Variants in SNX3 observed in about 807,000 individuals in gnomAD.
The protein encoded by SNX3 is sorting nexin 3.
SNX3 carries 5 observed loss-of-function variants against 17.7 expected under a neutral mutation model. The observed-to-expected ratio is 0.28, with a 90% CI of 0.15 to 0.59. SNX3 has a LOEUF of 0.59. Ranked by LOEUF, SNX3 falls within the 20% of genes least tolerant of loss-of-function variation. The pLI, the probability that SNX3 is intolerant of heterozygous loss-of-function variation, is 0.88. For synonymous variants in SNX3, 91 were observed against 76.5 expected (o/e 1.19, Z -0.99); for missense variants, 132 against 206.8 (o/e 0.64, Z 2.22).
At chr6:108,245,656 C>A (rs1329362976) in intron 1 of SNX3, among the ~76,000 whole-genome samples, 4 of 152,152 alleles carry the variant, frequency 2.6e-5, no homozygotes, top group African/African-American at 7.2e-5. Context: ...TTCTAACTGG[C>A]GTGAGATGGT....
intron 1 of SNX3, among the ~76,000 whole-genome samples, chr6:108,227,315 C>T (rs1775004205): frequency 2.0e-5 from 3 of 152,138 alleles, no homozygotes; most frequent in Admixed American, 2.0e-4. Flanking sequence ...ACGTTAAGAT[C>T]AAGCTTGCGA....
At chr6:108,242,641 C>G (rs149888849) in intron 1 of SNX3, among the ~76,000 whole-genome samples, 161 of 152,282 alleles carry the variant, frequency 1.1e-3, no homozygotes, top group Admixed American at 3.5e-3. Context: ...GTGAGTGAGG[C>G]CTATGAATGC....
chr6:108,254,119 T>C (rs547597779), intron 1 of SNX3, among the ~76,000 whole-genome samples: 193 of 124,100 alleles, frequency 1.6e-3, no homozygotes, highest in African/African-American at 6.0e-3. Context: ...AGAGTGAGAT[T>C]CCGTCTCAAA....
At position 108,247,564 on chromosome 6, in the gene SNX3, C is replaced by A. The variant is rs79009519; in HGVS notation, c.162+13196G>T. On this transcript the variant is annotated intron_variant, in intron 1 of 3. Transcript: ENST00000230085. ...AAAACAAAAAACAAACAAAAAAAAA[C>A]AACGTTTAAGTCTCCCTATGTTTCC... Among the ~76,000 whole-genome samples, 1,230 of 151,578 alleles carry A rather than the reference C, an allele frequency of 8.1e-3. 7 individuals are homozygous for A. The highest frequency in any genetic ancestry group is 0.013 in the Non-Finnish European group (915 of 67,834).
chr6:108,229,562 T>C (rs954321226), intron 1 of SNX3, among the ~76,000 whole-genome samples: 3 of 151,992 alleles, frequency 2.0e-5, no homozygotes, highest in Non-Finnish European at 4.4e-5. Flanking sequence ...TGTGAGCCAC[T>C]GCGTACGGCC....
intron 1 of SNX3, among the ~76,000 whole-genome samples, chr6:108,234,077 A>C (rs1225408628): frequency 6.6e-6 from 1 of 152,054 alleles, no homozygotes; most frequent in East Asian, 1.9e-4. Flanking sequence ...TTATATTTAC[A>C]GTGTAAAGAG....
intron 1 of SNX3, among the ~76,000 whole-genome samples, chr6:108,253,079 T>C (rs1024388305): frequency 1.3e-5 from 2 of 152,212 alleles, no homozygotes; most frequent in Non-Finnish European, 2.9e-5. Flanking sequence ...AAGTATCTAA[T>C]AATAACAGTC....
intron 2 of SNX3, among the ~76,000 whole-genome samples, chr6:108,220,775 C>T (rs375954772): frequency 1.3e-5 from 2 of 152,070 alleles, no homozygotes; most frequent in East Asian, 1.9e-4. Flanking sequence ...GTCAGGAGTT[C>T]GAGACCAGCC....
chr6:108,238,118 A>AC (rs1562431992), intron 1 of SNX3, among the ~76,000 whole-genome samples: 1 of 151,014 alleles, frequency 6.6e-6, no homozygotes, highest in African/African-American at 2.4e-5. Flanking sequence ...AAAAAAAAAA[A>AC]AACAAACAAA....
At chr6:108,213,192 G>A (rs879820152) in intron 3 of SNX3, among the ~76,000 whole-genome samples, 5 of 151,916 alleles carry the variant, frequency 3.3e-5, no homozygotes, top group Admixed American at 3.3e-4. Context: ...CCAGGCCAGA[G>A]TCTATTTTAA....
At chr6:108,230,470 C>T (rs1775110655) in intron 1 of SNX3, among the ~76,000 whole-genome samples, 1 of 152,082 alleles carries the variant, frequency 6.6e-6, no homozygotes, top group Admixed American at 6.6e-5. Context: ...CCGATGTGGG[C>T]ACAGTGATCA....
chr6:108,234,413 G>A (rs771852334), intron 1 of SNX3, among the ~76,000 whole-genome samples: 8 of 151,988 alleles, frequency 5.3e-5, no homozygotes, highest in South Asian at 2.1e-4. Flanking sequence ...TTAGCCAGGC[G>A]TGGAGGCATG....
intron 1 of SNX3, among the ~76,000 whole-genome samples, chr6:108,254,130 GA>G (rs36069364): frequency 0.58 from 79,697 of 137,272 alleles, 22,647 homozygotes; most frequent in East Asian, 0.74. Context: ...CCGTCTCAAA[GA>G]AAAAAAAAAA....
At chr6:108,217,713 G>A (rs566912033) in intron 2 of SNX3, among the ~76,000 whole-genome samples, 7 of 150,602 alleles carry the variant, frequency 4.6e-5, no homozygotes, top group Admixed American at 1.3e-4. Context: ...ACTGCACCAC[G>A]GTACTCCAGC....
intron 1 of SNX3, among the ~76,000 whole-genome samples, chr6:108,251,860 G>A (rs1057232005): frequency 3.3e-5 from 5 of 152,022 alleles, no homozygotes; most frequent in East Asian, 1.9e-4. Flanking sequence ...CCAGGAGTTC[G>A]AGACCAGCCT....
At chr6:108,250,628 CAA>C (rs529437530) in intron 1 of SNX3, among the ~76,000 whole-genome samples, 1 of 152,038 alleles carries the variant, frequency 6.6e-6, no homozygotes, top group Non-Finnish European at 1.5e-5. Flanking sequence ...AAAGTCAAGA[CAA>C]GAGAGGGGTG....
At chr6:108,247,402 CTG>C (rs1430111046) in intron 1 of SNX3, among the ~76,000 whole-genome samples, 1 of 151,856 alleles carries the variant, frequency 6.6e-6, no homozygotes, top group Non-Finnish European at 1.5e-5. Context: ...GGGTCTCACT[CTG>C]TTACCTAGGC....
chr6:108,249,843 T>C (rs892346631), intron 1 of SNX3, among the ~76,000 whole-genome samples: 2 of 152,230 alleles, frequency 1.3e-5, no homozygotes, highest in Non-Finnish European at 2.9e-5. Context: ...TGCAGTGTTA[T>C]ATTTAATGAC....
intron 1 of SNX3, among the ~76,000 whole-genome samples, chr6:108,236,312 G>GTC (rs1230772872): frequency 6.7e-5 from 10 of 149,418 alleles, no homozygotes; most frequent in South Asian, 4.3e-4. Flanking sequence ...GCAAGACCCT[G>GTC]TCTCTCTCTC....
Sources: allele counts gnomAD v4.1 joint callset (sites outside exome capture counted in the v4.1 genomes callset), GRCh38; gene constraint gnomAD v4.1.1; transcripts MANE v1.5; gene names NCBI Gene and HGNC (gene_info 2026-07-23, HGNC 2026-07-21).